The following TRHDE variants were observed in gnomAD, a reference collection of about 807,000 sequenced individuals.
TRHDE encodes the protein thyrotropin-releasing hormone-degrading ectoenzyme.
A neutral mutation model predicts 125.7 loss-of-function variants in TRHDE; 72 were observed. The observed-to-expected ratio is 0.57, with a 90% confidence interval of 0.47 to 0.70. The LOEUF is 0.70. TRHDE is among the 30% of genes least tolerant of loss of function. The pLI, the probability that TRHDE is intolerant of heterozygous loss-of-function variation, is 0.00. For synonymous variants in TRHDE, 509 were observed against 509.1 expected (o/e 1.00, Z 0.00); for missense variants, 1,110 against 1,327.1 (o/e 0.84, Z 2.54).
At chr12:72,624,963 G>A (rs749299872) in intron 15 of TRHDE, among the ~76,000 whole-genome samples, 1 of 151,622 alleles carries the variant, frequency 6.6e-6, no homozygotes, top group Non-Finnish European at 1.5e-5. Context: ...AAAGATGATG[G>A]CCTTTTTCTA....
At chr12:72,131,706 C>A (rs1427270666) in intron 2 of TRHDE, among the ~76,000 whole-genome samples, 1 of 152,232 alleles carries the variant, frequency 6.6e-6, no homozygotes, top group Non-Finnish European at 1.5e-5. Flanking sequence ...TGCTCCATAT[C>A]ATTCTAAAAT....
intron 2 of TRHDE, among the ~76,000 whole-genome samples, chr12:72,318,052 C>T (rs1454379725): frequency 6.6e-6 from 1 of 152,124 alleles, no homozygotes; most frequent in African/African-American, 2.4e-5. Flanking sequence ...GGCAGTACAG[C>T]ACAGCAGTGT....
intron 7 of TRHDE, among the ~76,000 whole-genome samples, chr12:72,550,066 C>A (rs1869604555): frequency 2.0e-5 from 3 of 151,696 alleles, no homozygotes; most frequent in Non-Finnish European, 4.4e-5. Flanking sequence ...TAGTTAAGGG[C>A]TCAAGATGTA....
intron 2 of TRHDE, among the ~76,000 whole-genome samples, chr12:72,207,228 C>G (rs771740172): frequency 6.6e-6 from 1 of 152,162 alleles, no homozygotes; most frequent in Admixed American, 6.5e-5. Context: ...AATGGGAGGA[C>G]AGCAGGGCTA....
intron 17 of TRHDE, among the ~76,000 whole-genome samples, chr12:72,654,939 C>T (rs1030002610): frequency 2.0e-5 from 3 of 152,128 alleles, no homozygotes; most frequent in African/African-American, 7.2e-5. Flanking sequence ...GTGATATTTC[C>T]CTGCTATAAA....
At chr12:72,200,052 T>C (rs1877524488) in intron 2 of TRHDE, among the ~76,000 whole-genome samples, 1 of 152,198 alleles carries the variant, frequency 6.6e-6, no homozygotes. Context: ...AGGGTACAAC[T>C]GAGTAGTTTT....
chr12:72,391,031 G>A (rs1192697538), intron 3 of TRHDE, among the ~76,000 whole-genome samples: 1 of 151,922 alleles, frequency 6.6e-6, no homozygotes, highest in Non-Finnish European at 1.5e-5. Context: ...ACCTTAGAAA[G>A]AAATTTCCAG....
intron 1 of TRHDE, among the ~76,000 whole-genome samples, chr12:72,285,693 G>A (rs1472523978): frequency 6.6e-6 from 1 of 151,740 alleles, no homozygotes; most frequent in East Asian, 1.9e-4. Flanking sequence ...GCTAATTTTT[G>A]TACTTTCAGT....
rs572200445 is a variant in TRHDE, at chr12:72,523,130, G to T, written c.1723-19161G>T. On this transcript the variant is annotated intron_variant, in intron 6 of 18. Transcript: ENST00000261180. ...TGGTGGATTACATGAGAAACTTGTCGCAAGTAAAATAGAACACCGTTTCTT... is the reference window on the plus strand; with the variant it reads ...TGGTGGATTACATGAGAAACTTGTCTCAAGTAAAATAGAACACCGTTTCTT... Among the ~76,000 whole-genome samples the T allele has an allele frequency of 2.9e-3, 437 of 152,018 alleles. 1 individual carries two copies. The highest frequency in any genetic ancestry group is 9.8e-3 in the African/African-American group (407 of 41,474).
chr12:72,472,824 T>C (rs1026981842), intron 4 of TRHDE, among the ~76,000 whole-genome samples: 1 of 152,152 alleles, frequency 6.6e-6, no homozygotes, highest in African/African-American at 2.4e-5. Flanking sequence ...AAGTCAAATA[T>C]TCTTTTGTGT....
chr12:72,257,608 A>G (rs1485590386), intron 2 of TRHDE: 1 of 152,172 alleles, frequency 6.6e-6, no homozygotes, highest in Non-Finnish European at 1.5e-5. Flanking sequence ...GATGCTTTAG[A>G]TGGATGAATA....
chr12:72,487,758 G>A (rs546978260), intron 5 of TRHDE, among the ~76,000 whole-genome samples: 4 of 152,068 alleles, frequency 2.6e-5, no homozygotes, highest in Non-Finnish European at 5.9e-5. Context: ...CATAGTGACG[G>A]TGATATATAA....
At chr12:72,529,925 T>TATC (rs1185383041) in intron 6 of TRHDE, among the ~76,000 whole-genome samples, 1 of 152,160 alleles carries the variant, frequency 6.6e-6, no homozygotes, top group Admixed American at 6.6e-5. Context: ...GCATCTCACC[T>TATC]ATCAATTCCT....
chr12:72,253,142 C>G (rs1039872674), intron 2 of TRHDE, among the ~76,000 whole-genome samples: 19 of 151,880 alleles, frequency 1.3e-4, no homozygotes, highest in Non-Finnish European at 1.5e-5. Flanking sequence ...TTCCAAGAAC[C>G]TATTGATGAT....
intron 2 of TRHDE, among the ~76,000 whole-genome samples, chr12:72,217,529 T>C (rs1325888909): frequency 6.6e-6 from 1 of 152,182 alleles, no homozygotes; most frequent in Non-Finnish European, 1.5e-5. Flanking sequence ...CAATGTGCAG[T>C]CTGTCAGTTA....
chr12:72,242,816 C>T (rs1278430208), intron 2 of TRHDE, among the ~76,000 whole-genome samples: 2 of 152,210 alleles, frequency 1.3e-5, no homozygotes, highest in Non-Finnish European at 1.5e-5. Context: ...TTTATTACCG[C>T]ATTCAATGGG....
At chr12:72,194,880 C>G (rs910088324) in intron 2 of TRHDE, among the ~76,000 whole-genome samples, 2 of 152,100 alleles carry the variant, frequency 1.3e-5, no homozygotes, top group Non-Finnish European at 2.9e-5. Flanking sequence ...CTTTTGGATA[C>G]ATACCCAGTA....
intron 3 of TRHDE, among the ~76,000 whole-genome samples, chr12:72,416,734 A>G (rs772684512): frequency 2.6e-5 from 4 of 152,062 alleles, no homozygotes; most frequent in Non-Finnish European, 4.4e-5. Flanking sequence ...TCATTGGTCT[A>G]TGTGTCTGTT....
intron 2 of TRHDE, among the ~76,000 whole-genome samples, chr12:72,342,129 A>C (rs1055484137): frequency 6.6e-6 from 1 of 152,010 alleles, no homozygotes; most frequent in Non-Finnish European, 1.5e-5. Flanking sequence ...AATTGCCCAT[A>C]TTTGTTACTT....
Sources: gnomAD v4.1 joint callset for allele counts (sites outside exome capture counted in the v4.1 genomes callset) on GRCh38, gnomAD v4.1.1 for gene constraint, MANE v1.5 for transcripts, NCBI Gene and HGNC (gene_info 2026-07-23, HGNC 2026-07-21) for gene names.